Variants in ITSN2 observed in about 807,000 individuals in gnomAD.
ITSN2 encodes intersectin 2, also known as intersectin-2.
ITSN2 carries 156 observed loss-of-function variants against 243.7 expected under a neutral mutation model. That is an observed-to-expected ratio of 0.64 (90% CI 0.56 to 0.73). The LOEUF (loss-of-function observed/expected upper bound fraction) is 0.73. ITSN2 is among the 30% of genes least tolerant of loss of function. The pLI is 0.00. For missense variants in ITSN2, 1,801 were observed against 1,996.1 expected (o/e 0.90, Z 1.86); for synonymous variants, 703 against 699.9 (o/e 1.00, Z -0.07).
Position 24,249,336 on chromosome 2 carries a change from A to AT in ITSN2, c.3121-455dup, listed in dbSNP as rs1182942359. Among the ~76,000 whole-genome samples, 1 of 152,068 alleles carries AT rather than the reference A, an allele frequency of 6.6e-6. No individual in the cohort carries two copies. Among genetic ancestry groups the AT allele is most frequent in the Non-Finnish European group, 1.5e-5 (1 of 67,974 alleles). ...TTGATGAACAGGAGACAATGTTTTT[A>AT]TTTTTATTTATTTTACCATCCTCCC... On this transcript the variant is annotated intron_variant, in intron 25 of 39. Transcript: ENST00000355123. The surrounding 1 kb of genome is among the most constrained non-coding windows in gnomAD (Gnocchi z 4.4).
chr2:24,212,131 C>G (rs917375387), intron 33 of ITSN2, among the ~76,000 whole-genome samples: 5 of 152,130 alleles, frequency 3.3e-5, no homozygotes, highest in Admixed American at 6.6e-5. Context: ...AAAAAGAAAG[C>G]TGGAAGGAAT....
chr2:24,346,084 C>G (rs1046841163), intron 1 of ITSN2, among the ~76,000 whole-genome samples: 4 of 152,182 alleles, frequency 2.6e-5, no homozygotes, highest in Non-Finnish European at 5.9e-5. Flanking sequence ...CCCTTCTTAT[C>G]TCTATGACCT....
At chr2:24,343,558 T>A (rs546377067) in intron 1 of ITSN2, among the ~76,000 whole-genome samples, 1 of 152,326 alleles carries the variant, frequency 6.6e-6, no homozygotes, top group African/African-American at 2.4e-5. Context: ...TGTGTGTAAA[T>A]ATAGGTCTGT....
At chr2:24,235,260 CAT>C (rs1283132810) in intron 29 of ITSN2, among the ~76,000 whole-genome samples, 1 of 151,422 alleles carries the variant, frequency 6.6e-6, no homozygotes, top group Non-Finnish European at 1.5e-5. Flanking sequence ...TGATTCCAAT[CAT>C]ATGATATTCT....
chr2:24,204,288 C>T lies in ITSN2; in HGVS notation c.4893G>A (p.Val1631=), dbSNP rs2151068439. 6.2e-7 allele frequency: 1 copy of T among 1,614,140 alleles called. No individual in the cohort carries two copies. The highest frequency in any genetic ancestry group is 1.1e-5 in the South Asian group (1 of 91,080). Reference sequence around the variant, plus strand: ...CTCTGTCAAACAGGGTGAGACACAGCACGTCTTGGTAGAGATCCTTAATAA... The same window carrying T: ...CTCTGTCAAACAGGGTGAGACACAGTACGTCTTGGTAGAGATCCTTAATAA... ...QFFIKDLYQD[V]LCLTLFDRDQ... The change falls in exon 39 of 40, where the codon GTG becomes GTA. Residue 1631 remains valine, a synonymous_variant. Transcript: ENST00000355123. The surrounding 1 kb of genome is among the most constrained non-coding windows in gnomAD (Gnocchi z 5.1).
At chr2:24,277,493 A>G (rs1234741368) in intron 17 of ITSN2, among the ~76,000 whole-genome samples, 3 of 152,220 alleles carry the variant, frequency 2.0e-5, no homozygotes, top group Non-Finnish European at 4.4e-5. Flanking sequence ...TTATAGCAGA[A>G]TTTCCACAGC....
chr2:24,257,480 G>A (rs760131005), intron 23 of ITSN2, among the ~76,000 whole-genome samples: 2 of 148,674 alleles, frequency 1.3e-5, no homozygotes, highest in Non-Finnish European at 3.0e-5. Flanking sequence ...TTTTTAATAC[G>A]GGGTATCACT....
At chr2:24,332,672 T>C (rs1685920845) in intron 1 of ITSN2, among the ~76,000 whole-genome samples, 1 of 152,216 alleles carries the variant, frequency 6.6e-6, no homozygotes, top group Admixed American at 6.5e-5. Flanking sequence ...TTCATATCTA[T>C]TACATTTCTA....
chr2:24,313,457 T>C lies in ITSN2; in HGVS notation c.188+3A>G. ...AATTAGGTTCATCTACAAAACACTTTACCATATTTCAGCTAAAACAGGGGC... is the reference window on the plus strand; with the variant it reads ...AATTAGGTTCATCTACAAAACACTTCACCATATTTCAGCTAAAACAGGGGC... On this transcript the variant is annotated splice_donor_region_variant and intron_variant, in intron 4 of 39. Coordinates refer to ENST00000355123, the MANE Select transcript of ITSN2 (RefSeq NM_006277.3). 2 of 1,611,772 alleles carry C rather than the reference T, an allele frequency of 1.2e-6. No individual in the cohort carries two copies. Among genetic ancestry groups the C allele is most frequent in the Non-Finnish European group, 1.7e-6 (2 of 1,178,590 alleles).
In ITSN2 at chr2:24,270,636, G is replaced by T. The variant is rs1388350127; in HGVS notation, c.2355+35C>A. 4 of 950,454 alleles carry T rather than the reference G, an allele frequency of 4.2e-6. No homozygotes were observed. The South Asian group carries it at 5.5e-5, about 13-fold the overall frequency. The allele number at this position is 950,454 out of a possible 1,614,324, so 58.9% of individuals were successfully genotyped here. A position where few individuals can be genotyped will look rare whatever the true frequency, so the allele number is the denominator to read the frequency against. On this transcript the variant is annotated intron_variant, in intron 20 of 39. Coordinates refer to ENST00000355123, the MANE Select transcript of ITSN2 (RefSeq NM_006277.3). ...AACTAATATATTACAATGTATTTAG[G>T]TTATTCATGATTAAAAAAAAAATTC...
Position 24,284,836 on chromosome 2 carries a change from T to A in ITSN2, c.1871A>T (p.Asn624Ile). ...GCACTGAAGAACAGAGTCATCCATA[T>A]TCCCACACTGTAAGATAAGGCAGAT... Reference protein sequence around the residue: ...DSFNNQLKCGNMDDSVLQCLL... With the variant: ...DSFNNQLKCGIMDDSVLQCLL... Residue 624 changes from asparagine to isoleucine, a missense_variant, in exon 17 of 40, where the codon AAT becomes ATT. Coordinates refer to ENST00000355123, the MANE Select transcript of ITSN2 (RefSeq NM_006277.3). The A allele has an allele frequency of 6.3e-7, 1 of 1,591,634 alleles. No individual in the cohort carries two copies. The highest frequency in any genetic ancestry group is 8.6e-7 in the Non-Finnish European group (1 of 1,160,732).
rs567485866 is a variant in ITSN2, at chr2:24,337,131, G to A, written c.-33-9016C>T. Among the ~76,000 whole-genome samples, 10 of 148,954 alleles carry A rather than the reference G, an allele frequency of 6.7e-5. No individual in the cohort carries two copies. In the East Asian group the frequency reaches 2.0e-3, roughly 29 times the overall value. On this transcript the variant is annotated intron_variant, in intron 1 of 39. Coordinates refer to ENST00000355123, the MANE Select transcript of ITSN2 (RefSeq NM_006277.3). ...CATTGACTTCTGAAGGTTTTTTATC[G>A]AGAGTGAGGAAGGCGGCTCAGGTTT...
chr2:24,250,092 C>T (rs1354519181), intron 25 of ITSN2, among the ~76,000 whole-genome samples: 1 of 152,180 alleles, frequency 6.6e-6, no homozygotes, highest in African/African-American at 2.4e-5. Flanking sequence ...AAATCTTAAT[C>T]TTCAAGTCCA....
intron 34 of ITSN2, 177 bp from the exon 35 acceptor site, chr2:24,210,210 C>T (rs1300202379): frequency 3.4e-6 from 2 of 585,460 alleles, no homozygotes; most frequent in African/African-American, 1.9e-5. Flanking sequence ...AGAGTCCAAA[C>T]TGGCCCAGTG....
At chr2:24,206,032 A>G (rs886439150) in intron 37 of ITSN2, among the ~76,000 whole-genome samples, 2 of 152,244 alleles carry the variant, frequency 1.3e-5, no homozygotes, top group East Asian at 3.9e-4. Flanking sequence ...GTAATTGACA[A>G]ATGTGGGAAG....
At chr2:24,277,526 T>C (rs1480992353) in intron 17 of ITSN2, among the ~76,000 whole-genome samples, 1 of 152,218 alleles carries the variant, frequency 6.6e-6, no homozygotes, top group East Asian at 1.9e-4. Flanking sequence ...GGGTTTTATT[T>C]GTTGTACCTT....
intron 1 of ITSN2, among the ~76,000 whole-genome samples, chr2:24,353,192 A>C (rs951252588): frequency 7.9e-5 from 12 of 152,242 alleles, no homozygotes; most frequent in African/African-American, 2.9e-4. Flanking sequence ...TTTAATGTAC[A>C]TAGGGCTATT....
At position 24,271,833 on chromosome 2, in the gene ITSN2, T is replaced by C. The variant is rs762958550; in HGVS notation, c.2190A>G (p.Glu730=). Residue 730 remains glutamate (E), a synonymous_variant, in exon 19 of 40, where the codon GAA becomes GAG. Coordinates refer to ENST00000355123, the MANE Select transcript of ITSN2 (RefSeq NM_006277.3). ...QEEKTQEKIQ[E]EERKAEEKQR... ...GTTTCTCCTCAGCTTTCCGTTCCTCTTCTTGAATTTTTTCTTGTGTTTTTT... is the reference window on the plus strand; with the variant it reads ...GTTTCTCCTCAGCTTTCCGTTCCTCCTCTTGAATTTTTTCTTGTGTTTTTT... The C allele has an allele frequency of 6.2e-7, 1 of 1,610,468 alleles. No individual in the cohort carries two copies.
chr2:24,234,654 T>C (rs1671957833), intron 29 of ITSN2, among the ~76,000 whole-genome samples: 1 of 151,972 alleles, frequency 6.6e-6, no homozygotes, highest in Admixed American at 6.6e-5. Flanking sequence ...AGTTCAACAA[T>C]AAGAAAACAA....
Sources: allele counts gnomAD v4.1 joint callset (sites outside exome capture counted in the v4.1 genomes callset), GRCh38; gene constraint gnomAD v4.1.1; non-coding constraint Gnocchi (gnomAD v3.1); transcripts MANE v1.5; gene names NCBI Gene and HGNC (gene_info 2026-07-23, HGNC 2026-07-21).